ASTN2: variants seen among roughly 807,000 people sequenced by gnomAD.
The protein encoded by ASTN2 is astrotactin-2.
ASTN2 carries 54 observed loss-of-function variants against 139.8 expected under a neutral mutation model. That is an observed-to-expected ratio of 0.39 (90% CI 0.31 to 0.48). The LOEUF is 0.48. Among genes scored for constraint, ASTN2 ranks in the 20% least tolerant of loss-of-function variants. The probability of loss-of-function intolerance (pLI) is 0.95; values close to 1 mark genes in which losing one functional copy is unlikely to be tolerated. For missense variants in ASTN2, 1,565 were observed against 1,725.1 expected, an observed-to-expected ratio of 0.91 and a Z score of 1.64; for synonymous variants, 756 against 719.5, an observed-to-expected ratio of 1.05 and a Z score of -0.81.
intron 1 of ASTN2, among the ~76,000 whole-genome samples, chr9:117,294,693 C>T (rs1164245220): frequency 6.6e-6 from 1 of 152,218 alleles, no homozygotes; most frequent in African/African-American, 2.4e-5. Context: ...CATACACACT[C>T]TCCATTGACC....
chr9:116,473,436 T>C (rs966696780), intron 20 of ASTN2, among the ~76,000 whole-genome samples: 1 of 152,182 alleles, frequency 6.6e-6, no homozygotes, highest in African/African-American at 2.4e-5. Context: ...AAGGCATCTC[T>C]TGTTACGTCA....
At chr9:116,781,626 CA>C (rs1443145534) in intron 13 of ASTN2, among the ~76,000 whole-genome samples, 8 of 152,106 alleles carry the variant, frequency 5.3e-5, no homozygotes, top group Non-Finnish European at 1.2e-4. Flanking sequence ...GTCTGTTGTG[CA>C]AAAAGCTCAT....
intron 3 of ASTN2, among the ~76,000 whole-genome samples, chr9:117,195,527 G>A (rs1188197022): frequency 6.6e-6 from 1 of 152,108 alleles, no homozygotes; most frequent in Non-Finnish European, 1.5e-5. Context: ...TGAGGTAATT[G>A]TGGGGATGTC....
At chr9:116,986,160 G>GCCCCCCCCCCCCCCCCCCCCCC (rs34143043) in intron 7 of ASTN2, among the ~76,000 whole-genome samples, 3 of 131,916 alleles carry the variant, frequency 2.3e-5, no homozygotes, top group Admixed American at 7.9e-5. Flanking sequence ...TGTCCAGGCT[G>GCCCCCCCCCCCCCCCCCCCCCC]CCCCCCCCCA....
At chr9:116,970,193 CG>C (rs1564365075) in intron 10 of ASTN2, among the ~76,000 whole-genome samples, 3 of 152,114 alleles carry the variant, frequency 2.0e-5, no homozygotes, top group African/African-American at 7.2e-5. Context: ...TGACAAGATG[CG>C]GCATAACATC....
At chr9:116,556,664 T>A (rs1852633799) in intron 19 of ASTN2, among the ~76,000 whole-genome samples, 1 of 152,192 alleles carries the variant, frequency 6.6e-6, no homozygotes. Context: ...ATGACCAATA[T>A]TCCTTCTAGC....
intron 3 of ASTN2, among the ~76,000 whole-genome samples, chr9:117,149,130 G>T (rs1022234830): frequency 6.6e-6 from 1 of 151,578 alleles, no homozygotes; most frequent in African/African-American, 2.4e-5. Flanking sequence ...AGTGATTCTC[G>T]TGCCTCAGAC....
chr9:117,320,657 G>T (rs2130830482), intron 1 of ASTN2, among the ~76,000 whole-genome samples: 1 of 152,220 alleles, frequency 6.6e-6, no homozygotes, highest in East Asian at 1.9e-4. Flanking sequence ...ACCACTTTGT[G>T]CCTCCTTTCA....
chr9:117,102,686 C>A (rs1384680771), intron 4 of ASTN2, among the ~76,000 whole-genome samples: 2 of 151,968 alleles, frequency 1.3e-5, no homozygotes, highest in African/African-American at 2.4e-5. Flanking sequence ...CCATGCCCAG[C>A]TAATTTTGTA....
At chr9:116,843,114 G>C (rs114320964) in intron 11 of ASTN2, among the ~76,000 whole-genome samples, 2 of 152,024 alleles carry the variant, frequency 1.3e-5, no homozygotes, top group Non-Finnish European at 2.9e-5. Flanking sequence ...AAAATAAATC[G>C]TTCTACCAAA....
chr9:116,772,307 G>A (rs1485752046), intron 13 of ASTN2, among the ~76,000 whole-genome samples: 2 of 152,130 alleles, frequency 1.3e-5, no homozygotes, highest in Non-Finnish European at 2.9e-5. Flanking sequence ...TAGTGAGTAA[G>A]TCTCACGAGA....
rs547994479 is a variant in ASTN2, at chr9:116,599,662, T to A, written c.3355+18662A>T. On this transcript the variant is annotated intron_variant, in intron 19 of 22. Transcript: ENST00000313400. ...CAAGATAAGAGGCAGGACAGCCTGG[T>A]GAGGAAGTCATAGTGGAAATACACA... Among the ~76,000 whole-genome samples, 4 of 152,302 alleles carry A rather than the reference T, an allele frequency of 2.6e-5. No homozygotes were observed. The South Asian group carries it at 8.3e-4, about 32-fold the overall frequency.
At chr9:116,967,352 TC>T (rs752160085) in intron 10 of ASTN2, among the ~76,000 whole-genome samples, 1 of 152,212 alleles carries the variant, frequency 6.6e-6, no homozygotes, top group Non-Finnish European at 1.5e-5. Context: ...GGCTCCAGTA[TC>T]CATGCTATTC....
chr9:116,870,261 A>G (rs902449288), intron 10 of ASTN2, among the ~76,000 whole-genome samples: 1 of 152,238 alleles, frequency 6.6e-6, no homozygotes, highest in Non-Finnish European at 1.5e-5. Context: ...CCAACTCCAC[A>G]TTCTTTCTCC....
At chr9:117,328,560 G>C (rs540293266) in intron 1 of ASTN2, among the ~76,000 whole-genome samples, 1 of 152,074 alleles carries the variant, frequency 6.6e-6, no homozygotes, top group Non-Finnish European at 1.5e-5. Context: ...CTCTAGATAT[G>C]CTATATGCGG....
intron 2 of ASTN2, among the ~76,000 whole-genome samples, chr9:117,244,720 G>A (rs1332543698): frequency 7.2e-6 from 1 of 139,562 alleles, no homozygotes; most frequent in Admixed American, 7.1e-5. Flanking sequence ...AGGAGAAAGG[G>A]AGGGAAGGAG....
At chr9:116,941,780 G>A (rs1327249153) in intron 10 of ASTN2, among the ~76,000 whole-genome samples, 1 of 152,060 alleles carries the variant, frequency 6.6e-6, no homozygotes, top group Non-Finnish European at 1.5e-5. Context: ...TTTGGAGGCT[G>A]ATCATTGTTT....
intron 3 of ASTN2, among the ~76,000 whole-genome samples, chr9:117,164,211 G>A (rs1458592503): frequency 6.6e-6 from 1 of 152,040 alleles, no homozygotes; most frequent in East Asian, 1.9e-4. Context: ...ATTTTCATAT[G>A]GGGAAACTGA....
intron 1 of ASTN2, among the ~76,000 whole-genome samples, chr9:117,389,563 C>T (rs1830490757): frequency 6.6e-6 from 1 of 152,124 alleles, no homozygotes; most frequent in African/African-American, 2.4e-5. Flanking sequence ...GTCTTACCTA[C>T]CTCCAGCCAT....
Sources: allele counts gnomAD v4.1 joint callset (sites outside exome capture counted in the v4.1 genomes callset), GRCh38; gene constraint gnomAD v4.1.1; transcripts MANE v1.5; gene names NCBI Gene and HGNC (gene_info 2026-07-23, HGNC 2026-07-21).